Variants in HSPB1 observed in about 807,000 individuals in gnomAD.
The protein encoded by HSPB1 is heat shock protein beta-1.
HSPB1 carries 19 observed loss-of-function variants against 17.0 expected under a neutral mutation model. The ratio of observed to expected loss-of-function variants is 1.12; its 90% CI spans 0.78 to 1.64. The LOEUF (loss-of-function observed/expected upper bound fraction) is 1.64, where lower values mean the gene tolerates loss of function less well. HSPB1 is among the 40% of genes most tolerant of loss of function. The probability of loss-of-function intolerance (pLI) is 0.00; values close to 1 mark genes in which losing one functional copy is unlikely to be tolerated. For synonymous variants in HSPB1, 165 were observed against 129.8 expected (o/e 1.27, Z -1.84); for missense variants, 348 against 289.2 (o/e 1.20, Z -1.47).
In HSPB1 at chr7:76,304,064, C is replaced by T. The variant is rs990781801; in HGVS notation, c.509C>T (p.Pro170Leu). 6.2e-7 allele frequency: 1 copy of T among 1,613,674 alleles called. No homozygotes were observed. The highest frequency in any genetic ancestry group is 1.3e-5 in the African/African-American group (1 of 74,922). The change falls in exon 3 of 3, where the codon CCC becomes CTC. Residue 170 changes from proline (P) to leucine (L), a missense_variant. Pro to Leu is a moderately conservative substitution (Grantham distance 98, BLOSUM62 -3). Transcript: ENST00000248553. ...EGTLTVEAPM[P>L]KLATQSNEIT... is the part of the protein sequence containing the mutation. ...ACACTGACCGTGGAGGCCCCCATGC[C>T]CAAGCTAGCCACGCAGTCCAACGAG...
rs980948986 is a variant in HSPB1, at chr7:76,303,717, C to A, written c.365-85C>A. On this transcript the variant is annotated intron_variant, in intron 1 of 2. Coordinates refer to ENST00000248553, the MANE Select transcript of HSPB1 (RefSeq NM_001540.5). ...TACCAGCCTGCAGTCCTGGCTGCTTCCAAGCAGGAGGTGGGGCCTCTGGCC... is the reference window on the plus strand; with the variant it reads ...TACCAGCCTGCAGTCCTGGCTGCTTACAAGCAGGAGGTGGGGCCTCTGGCC... 1.8e-5 allele frequency: 22 copies of A among 1,211,494 alleles called. No individual in the cohort carries two copies. The East Asian group carries it at 4.9e-4, about 27-fold the overall frequency. The allele number at this position is 1,211,494 out of a possible 1,614,324, so 75.0% of individuals were successfully genotyped here.
rs368381742 is a variant in HSPB1 at position 76,304,289 on chromosome 7, C to T, written c.*116C>T. ...TTTCTCAAATAAAGTTCAAAGCAAC[C>T]ACCTGTCACTGGCCCAGGCCCTGGT... On this transcript the variant is annotated 3_prime_UTR_variant, in exon 3 of 3. Coordinates refer to ENST00000248553, the MANE Select transcript of HSPB1 (RefSeq NM_001540.5). 7.9e-5 allele frequency: 87 copies of T among 1,102,146 alleles called. No homozygotes were observed. The East Asian group carries it at 2.2e-3, about 27-fold the overall frequency. 68.3% of individuals were successfully genotyped at this position (1,102,146 alleles called of 1,614,324 possible). A position where few individuals can be genotyped will look rare whatever the true frequency, so the allele number is the denominator to read the frequency against.
In HSPB1 at chr7:76,303,967, C is replaced by T. The variant is rs1803066375; in HGVS notation, c.429-17C>T. ...GGTGTGTAATGTAACGCTTGCCTTTCCTCTCTGCACGTCCAGGCTGCCCCC... is the reference window on the plus strand; with the variant it reads ...GGTGTGTAATGTAACGCTTGCCTTTTCTCTCTGCACGTCCAGGCTGCCCCC... On this transcript the variant is annotated splice_polypyrimidine_tract_variant and intron_variant, in intron 2 of 2. Coordinates refer to ENST00000248553, the MANE Select transcript of HSPB1 (RefSeq NM_001540.5). 3 of 1,613,312 alleles carry T rather than the reference C, an allele frequency of 1.9e-6. No homozygotes were observed. Among genetic ancestry groups the T allele is most frequent in the South Asian group, 1.1e-5 (1 of 91,082 alleles).
chr7:76,303,729 T>C (rs1294589927), intron 1 of HSPB1, 73 bp from the exon 2 acceptor site: 11 of 1,346,902 alleles, frequency 8.2e-6, no homozygotes, highest in African/African-American at 1.4e-5. Context: ...AAGCAGGAGG[T>C]GGGGCCTCTG....
At position 76,304,154 on chromosome 7, in the gene HSPB1, A is replaced by T. The variant is rs907716956; in HGVS notation, c.599A>T (p.Asp200Val). Residue 200 changes from aspartate (D) to valine (V), a missense_variant, in exon 3 of 3, where the codon GAT (aspartate) becomes GTT (valine). By Grantham distance (152) the Asp-to-Val change is radical (BLOSUM62 -3). Coordinates refer to ENST00000248553, the MANE Select transcript of HSPB1 (RefSeq NM_001540.5). ...GGGGGCCCAGAAGCTGCAAAATCCG[A>T]TGAGACTGCCGCCAAGTAAAGCCTT... is the stretch of plus-strand genomic sequence containing the variant. ...QLGGPEAAKSDETAAK is the reference protein window; with the variant it reads ...QLGGPEAAKSVETAAK The T allele has an allele frequency of 3.7e-6, 6 of 1,611,574 alleles. No homozygotes were observed. Among genetic ancestry groups the T allele is most frequent in the Non-Finnish European group, 5.1e-6 (6 of 1,179,082 alleles).
chr7:76,303,832 G>C lies in HSPB1; in HGVS notation c.395G>C (p.Gly132Ala), dbSNP rs776122496. Residue 132 changes from glycine to alanine, a missense_variant, in exon 2 of 3, where the codon GGC (glycine) becomes GCC (alanine). By Grantham distance (60) the Gly-to-Ala change is moderately conservative (BLOSUM62 0). Coordinates refer to ENST00000248553, the MANE Select transcript of HSPB1 (RefSeq NM_001540.5). Reference protein sequence around the residue: ...GKHEERQDEHGYISRCFTRKY... With the variant: ...GKHEERQDEHAYISRCFTRKY... ...CACGAGGAGCGGCAGGACGAGCATG[G>C]CTACATCTCCCGGTGCTTCACGCGG... The C allele has an allele frequency of 6.2e-7, 1 of 1,610,382 alleles. No homozygotes were observed. The highest frequency in any genetic ancestry group is 8.5e-7 in the Non-Finnish European group (1 of 1,179,782).
In HSPB1 at chr7:76,302,953, C is replaced by T; in HGVS notation, c.241C>T (p.Leu81Phe). The stretch of plus-strand genomic sequence containing the variant: ...CTACAGCCGCGCGCTCAGCCGGCAA[C>T]TCAGCAGCGGGGTCTCGGAGATCCG... ...PAYSRALSRQLSSGVSEIRHT... is the reference protein window; with the variant it reads ...PAYSRALSRQFSSGVSEIRHT... Residue 81 changes from leucine (L) to phenylalanine (F), a missense_variant, in exon 1 of 3, where the codon CTC becomes TTC. Coordinates refer to ENST00000248553, the MANE Select transcript of HSPB1 (RefSeq NM_001540.5). 1.3e-6 allele frequency: 2 copies of T among 1,544,970 alleles called. No homozygotes were observed. Among genetic ancestry groups the T allele is most frequent in the African/African-American group, 2.7e-5 (2 of 73,668 alleles).
rs748762287 is a variant in HSPB1, at chr7:76,302,876, T to TGCGCCCC, written c.165_171dup (p.Leu58AlafsTer105). ...GGCGGCAGCAGCTGGCCAGGCTACG[T>TGCGCCCC]GCGCCCCCTGCCCCCCGCCGCCATC... On this transcript the variant is annotated frameshift_variant, in exon 1 of 3. Coordinates refer to ENST00000248553, the MANE Select transcript of HSPB1 (RefSeq NM_001540.5). LOFTEE classifies it high-confidence loss of function. 32 of 1,569,790 alleles carry TGCGCCCC rather than the reference T, an allele frequency of 2.0e-5. No individual in the cohort carries two copies. Among genetic ancestry groups the TGCGCCCC allele is most frequent in the Non-Finnish European group, 2.5e-5 (29 of 1,163,302 alleles).
rs896004429 is a variant in HSPB1 at position 76,302,838 on chromosome 7, G to T, written c.126G>T (p.Trp42Cys). The change falls in exon 1 of 3, where the codon TGG (tryptophan) becomes TGT (cysteine). Residue 42 changes from tryptophan to cysteine, a missense_variant. Physicochemically the swap from Trp to Cys is radical, Grantham distance 215. Transcript: ENST00000248553. ...GGCTGCCCCGGCTGCCGGAGGAGTGGTCGCAGTGGTTAGGCGGCAGCAGCT... is the reference window on the plus strand; with the variant it reads ...GGCTGCCCCGGCTGCCGGAGGAGTGTTCGCAGTGGTTAGGCGGCAGCAGCT... ...AFGLPRLPEE[W>C]SQWLGGSSWP... is the part of the protein sequence containing the mutation. 1 of 1,602,474 alleles carries T rather than the reference G, an allele frequency of 6.2e-7. No individual in the cohort carries two copies. The highest frequency in any genetic ancestry group is 8.5e-7 in the Non-Finnish European group (1 of 1,177,436).
Position 76,302,908 on chromosome 7 carries a change from C to T in HSPB1, c.196C>T (p.Pro66Ser). 1.3e-6 allele frequency: 2 copies of T among 1,547,384 alleles called. No homozygotes were observed. The highest frequency in any genetic ancestry group is 1.7e-6 in the Non-Finnish European group (2 of 1,152,156). Residue 66 changes from proline to serine, a missense_variant, in exon 1 of 3, where the codon CCC (proline) becomes TCC (serine). Transcript: ENST00000248553. ...CCTGCCCCCCGCCGCCATCGAGAGC[C>T]CCGCAGTGGCCGCGCCCGCCTACAG... ...RPLPPAAIES[P>S]AVAAPAYSRA... is the part of the protein sequence containing the mutation.
chr7:76,303,693 A>C (rs1583965768), intron 1 of HSPB1, 109 bp from the exon 2 acceptor site: 2 of 857,648 alleles, frequency 2.3e-6, no homozygotes, highest in Non-Finnish European at 2.0e-6. Flanking sequence ...GTTAATCCCT[A>C]CCAGCCTGCA....
intron 1 of HSPB1, 174 bp downstream of exon 1, chr7:76,303,250 CTAAGGGCGCTTT>C (rs747826687): frequency 1.5e-5 from 11 of 752,968 alleles, no homozygotes; most frequent in South Asian, 3.8e-5. Flanking sequence ...CGGGTCGCTT[CTAAGGGCGCTTT>C]CTGCTCTGTA....
chr7:76,303,015 C>A lies in HSPB1; in HGVS notation c.303C>A (p.Val101=). 1 of 1,543,438 alleles carries A rather than the reference C, an allele frequency of 6.5e-7. No individual in the cohort carries two copies. The highest frequency in any genetic ancestry group is 1.4e-5 in the African/African-American group (1 of 73,756). The change falls in exon 1 of 3, where the codon GTC becomes GTA. Residue 101 remains valine (V), a synonymous_variant. Transcript: ENST00000248553. ...TADRWRVSLD[V]NHFAPDELTV... is the part of the protein sequence containing the mutation. The stretch of plus-strand genomic sequence containing the variant: ...ACCGCTGGCGCGTGTCCCTGGATGT[C>A]AACCACTTCGCCCCGGACGAGCTGA...
rs931271289 is a variant in HSPB1, at chr7:76,304,249, C to A, written c.*76C>A. ...CCGCCACCTGTGTGTTCTTTTGATA[C>A]ATTTATCTTCTGTTTTTCTCAAATA... On this transcript the variant is annotated 3_prime_UTR_variant, in exon 3 of 3. Transcript: ENST00000248553. 3.8e-6 allele frequency: 5 copies of A among 1,333,134 alleles called. No homozygotes were observed. Among genetic ancestry groups the A allele is most frequent in the Middle Eastern group, 1.8e-4 (1 of 5,492 alleles). The allele number at this position is 1,333,134 out of a possible 1,614,324, so 82.6% of individuals were successfully genotyped here.
chr7:76,303,655 G>C (rs1198760780), intron 1 of HSPB1, 147 bp from the exon 2 acceptor site: 1 of 662,862 alleles, frequency 1.5e-6, no homozygotes, highest in Non-Finnish European at 2.8e-6. Context: ...CCAGACCGGC[G>C]GGCACGCCCC....
rs995228552 is a variant in HSPB1 at position 76,303,827 on chromosome 7, G to C, written c.390G>C (p.Glu130Asp). Residue 130 changes from glutamate to aspartate, a missense_variant, in exon 2 of 3, where the codon GAG (glutamate) becomes GAC (aspartate). By Grantham distance (45) the Glu-to-Asp change is conservative (BLOSUM62 2). Coordinates refer to ENST00000248553, the MANE Select transcript of HSPB1 (RefSeq NM_001540.5). ...GCAAGCACGAGGAGCGGCAGGACGA[G>C]CATGGCTACATCTCCCGGTGCTTCA... ...ITGKHEERQD[E>D]HGYISRCFTR... The C allele has an allele frequency of 1.2e-6, 2 of 1,610,540 alleles. No homozygotes were observed. Among genetic ancestry groups the C allele is most frequent in the Non-Finnish European group, 8.5e-7 (1 of 1,179,736 alleles).
rs773836576 is a variant in HSPB1 at position 76,303,081 on chromosome 7, G to GC, written c.364+11dup. The GC allele has an allele frequency of 4.8e-5, 73 of 1,519,830 alleles. No homozygotes were observed. The Admixed American group carries it at 9.6e-4, about 20-fold the overall frequency. The allele number at this position is 1,519,830 out of a possible 1,614,324, so 94.1% of individuals were successfully genotyped here. A position where few individuals can be genotyped will look rare whatever the true frequency, so the allele number is the denominator to read the frequency against. ...ATGGCGTGGTGGAGATCACCGGTGA[G>GC]CCCCCCTGCTCCTGCAGGGGAGAGG... On this transcript the variant is annotated splice_donor_region_variant and intron_variant, in intron 1 of 2. Transcript: ENST00000248553.
Position 76,304,245 on chromosome 7 carries a change from G to A in HSPB1, c.*72G>A. The A allele has an allele frequency of 7.3e-6, 10 of 1,363,326 alleles. No individual in the cohort carries two copies. Among genetic ancestry groups the A allele is most frequent in the Non-Finnish European group, 1.0e-5 (10 of 972,410 alleles). The allele number at this position is 1,363,326 out of a possible 1,614,324, so 84.5% of individuals were successfully genotyped here. On this transcript the variant is annotated 3_prime_UTR_variant, in exon 3 of 3. Transcript: ENST00000248553. ...TCCCCCGCCACCTGTGTGTTCTTTT[G>A]ATACATTTATCTTCTGTTTTTCTCA...
At chr7:76,303,363 C>G (rs763698541) in intron 1 of HSPB1, 24 of 516,848 alleles carry the variant, frequency 4.6e-5, no homozygotes, top group Admixed American at 1.8e-4. Flanking sequence ...CGCGCCCCCC[C>G]GCCCCGACCC....
Sources: allele counts gnomAD v4.1 joint callset, GRCh38; gene constraint gnomAD v4.1.1; transcripts MANE v1.5; gene names NCBI Gene and HGNC (gene_info 2026-07-23, HGNC 2026-07-21).